ZNF385D: variants seen among roughly 807,000 people sequenced by gnomAD.
The protein encoded by ZNF385D is zinc finger protein 385D.
In ZNF385D, 15 loss-of-function variants were observed where a neutral mutation model predicts 35.8. That is an observed-to-expected ratio of 0.42 (90% CI 0.28 to 0.64). The LOEUF is 0.64. Among genes scored for constraint, ZNF385D ranks in the 30% least tolerant of loss-of-function variants. The probability of loss-of-function intolerance (pLI) is 0.23; values close to 1 mark genes in which losing one functional copy is unlikely to be tolerated. For synonymous variants in ZNF385D, 212 were observed against 186.8 expected (o/e 1.13, Z -1.10); for missense variants, 474 against 494.6 (o/e 0.96, Z 0.39).
rs118129773 is a variant in ZNF385D, at chr3:22,359,625, G to A, written c.106+12825C>T. Among the ~76,000 whole-genome samples, 622 of 151,912 alleles carry A rather than the reference G, an allele frequency of 4.1e-3. 10 individuals are homozygous for A. In the East Asian group the frequency reaches 0.051, roughly 13 times the overall value. ...TCTACCATTTAAATGTACAGAAATA[G>A]TTAAACTCTGAGAAAACAGCCTTGG... On this transcript the variant is annotated intron_variant, in intron 2 of 5. Transcript: ENST00000494108.
At chr3:22,209,496 A>C (rs796440321) in intron 2 of ZNF385D, among the ~76,000 whole-genome samples, 1 of 151,876 alleles carries the variant, frequency 6.6e-6, no homozygotes. Context: ...TATTTATATT[A>C]GTGTATTTAT....
intron 1 of ZNF385D, among the ~76,000 whole-genome samples, chr3:21,748,197 G>A (rs115394893): frequency 2.0e-5 from 3 of 152,178 alleles, no homozygotes; most frequent in African/African-American, 7.2e-5. Flanking sequence ...TAAGTCATTA[G>A]AAAGCTCTAT....
chr3:21,978,571 T>C (rs1703788548), intron 3 of ZNF385D, among the ~76,000 whole-genome samples: 1 of 152,224 alleles, frequency 6.6e-6, no homozygotes, highest in Non-Finnish European at 1.5e-5. Flanking sequence ...CATACGTTTG[T>C]AATCAGATTT....
chr3:21,616,196 C>T (rs2064842014), intron 2 of ZNF385D, among the ~76,000 whole-genome samples: 1 of 152,002 alleles, frequency 6.6e-6, no homozygotes, highest in Non-Finnish European at 1.5e-5. Context: ...ATAATGTACA[C>T]AATGTGATTA....
Position 22,233,421 on chromosome 3 carries a change from G to A in ZNF385D, c.107-64386C>T, listed in dbSNP as rs138183233. ...GATCAGTGGTTGCCTGGGGCAACAA[G>A]TGAGGAGATTAAATTGAGAATGGTC... is the stretch of plus-strand genomic sequence containing the variant. On this transcript the variant is annotated intron_variant, in intron 2 of 5. Coordinates refer to the ZNF385D transcript ENST00000494108. Among the ~76,000 whole-genome samples the A allele has an allele frequency of 1.2e-3, 184 of 152,302 alleles. 1 individual carries two copies. Among genetic ancestry groups the A allele is most frequent in the African/African-American group, 4.1e-3 (170 of 41,568 alleles).
At position 22,029,408 on chromosome 3, in the gene ZNF385D, C is replaced by A. The variant is rs147437790; in HGVS notation, c.325+139409G>T. ...AGGCAGGACTACAAATGGTCCAGAC[C>A]CCTCAGGAATGAAGGTTTGGTTTAC... is the stretch of plus-strand genomic sequence containing the variant. On this transcript the variant is annotated intron_variant, in intron 3 of 5. Transcript: ENST00000494108. Among the ~76,000 whole-genome samples, 1,103 of 152,246 alleles carry A rather than the reference C, an allele frequency of 7.2e-3. 14 individuals carry two copies. The highest frequency in any genetic ancestry group is 0.025 in the African/African-American group (1,035 of 41,534).
intron 2 of ZNF385D, among the ~76,000 whole-genome samples, chr3:21,663,198 G>A (rs146858719): frequency 8.7e-4 from 133 of 152,228 alleles, no homozygotes; most frequent in Non-Finnish European, 1.6e-3. Flanking sequence ...TAAAGATGAG[G>A]AAATAGCAGC....
chr3:21,976,678 TG>T (rs1703644235), intron 3 of ZNF385D, among the ~76,000 whole-genome samples: 1 of 152,266 alleles, frequency 6.6e-6, no homozygotes, highest in East Asian at 1.9e-4. Context: ...ATCCATAAAA[TG>T]GAAAATTATT....
At chr3:21,631,470 T>C (rs976011712) in intron 2 of ZNF385D, among the ~76,000 whole-genome samples, 1 of 152,260 alleles carries the variant, frequency 6.6e-6, no homozygotes, top group Admixed American at 6.5e-5. Context: ...AAAATATTTT[T>C]TAAAAATCCC....
At chr3:22,185,041 G>A (rs1421666458) in intron 2 of ZNF385D, among the ~76,000 whole-genome samples, 1 of 152,034 alleles carries the variant, frequency 6.6e-6, no homozygotes, top group Admixed American at 6.6e-5. Context: ...GAAATCAGGA[G>A]ATACCTTGCT....
At chr3:22,187,819 C>T (rs1176190670) in intron 2 of ZNF385D, among the ~76,000 whole-genome samples, 2 of 152,150 alleles carry the variant, frequency 1.3e-5, no homozygotes, top group African/African-American at 2.4e-5. Flanking sequence ...AGAGTTGTCA[C>T]TGGGATGCAG....
intron 2 of ZNF385D, among the ~76,000 whole-genome samples, chr3:22,235,649 CAAACAT>C (rs1699137220): frequency 6.6e-6 from 1 of 151,906 alleles, no homozygotes; most frequent in Non-Finnish European, 1.5e-5. Flanking sequence ...AAAGGAAAAA[CAAACAT>C]AAAAATATGC....
intron 3 of ZNF385D, among the ~76,000 whole-genome samples, chr3:22,163,691 C>G (rs187648523): frequency 6.6e-6 from 1 of 152,218 alleles, no homozygotes; most frequent in East Asian, 1.9e-4. Context: ...CCTGAAAATA[C>G]TAAAGTACCT....
intron 3 of ZNF385D, among the ~76,000 whole-genome samples, chr3:22,010,109 A>G (rs1696475412): frequency 6.6e-6 from 1 of 151,600 alleles, no homozygotes; most frequent in Admixed American, 6.6e-5. Flanking sequence ...TTAAAGGAAG[A>G]AAAAAAAATC....
intron 1 of ZNF385D, among the ~76,000 whole-genome samples, chr3:21,714,929 C>T (rs2068254104): frequency 6.6e-6 from 1 of 152,146 alleles, no homozygotes; most frequent in Non-Finnish European, 1.5e-5. Context: ...TACATCATCT[C>T]ACATAGTTAC....
intron 2 of ZNF385D, among the ~76,000 whole-genome samples, chr3:21,627,757 A>G: frequency 6.6e-6 from 1 of 152,144 alleles, no homozygotes; most frequent in East Asian, 1.9e-4. Context: ...TTACCCAGGA[A>G]TTATCTACTG....
At chr3:21,487,143 T>C (rs901283831) in intron 4 of ZNF385D, among the ~76,000 whole-genome samples, 1 of 152,138 alleles carries the variant, frequency 6.6e-6, no homozygotes, top group Non-Finnish European at 1.5e-5. Flanking sequence ...TTTTCATTCC[T>C]CTACACTGTA....
chr3:21,620,689 C>T (rs1293914278), intron 2 of ZNF385D, among the ~76,000 whole-genome samples: 1 of 152,056 alleles, frequency 6.6e-6, no homozygotes, highest in African/African-American at 2.4e-5. Context: ...TTCATTTTTG[C>T]CTGACAGGCT....
chr3:21,924,793 C>A (rs1273786352), intron 3 of ZNF385D, among the ~76,000 whole-genome samples: 1 of 152,032 alleles, frequency 6.6e-6, no homozygotes, highest in African/African-American at 2.4e-5. Context: ...AGCCAGAACT[C>A]CCCCTCCCAC....
Sources: gnomAD v4.1 joint callset for allele counts (sites outside exome capture counted in the v4.1 genomes callset) on GRCh38, gnomAD v4.1.1 for gene constraint, MANE v1.5 for transcripts, NCBI Gene and HGNC (gene_info 2026-07-23, HGNC 2026-07-21) for gene names.